Variants in PLXNC1 observed in about 807,000 individuals in gnomAD.
The protein encoded by PLXNC1 is plexin-C1.
PLXNC1 carries 75 observed loss-of-function variants against 178.2 expected under a neutral mutation model. The observed-to-expected ratio is 0.42, with a 90% CI of 0.35 to 0.51. The LOEUF (loss-of-function observed/expected upper bound fraction) is 0.51. Ranked by LOEUF, PLXNC1 falls within the 20% of genes least tolerant of loss-of-function variation. PLXNC1 has a pLI of 0.02. For synonymous variants in PLXNC1, 790 were observed against 779.9 expected, an observed-to-expected ratio of 1.01 and a Z score of -0.22; for missense variants, 1,503 against 1,984.4, an observed-to-expected ratio of 0.76 and a Z score of 4.61.
At chr12:94,287,208 G>C (rs1966855034) in intron 23 of PLXNC1, among the ~76,000 whole-genome samples, 1 of 152,228 alleles carries the variant, frequency 6.6e-6, no homozygotes, top group South Asian at 2.1e-4. Context: ...AAAGGGTTAA[G>C]CGTGTCTTTA....
intron 9 of PLXNC1, chr12:94,227,492 G>T (rs1330998292): frequency 1.3e-5 from 4 of 319,712 alleles, no homozygotes; most frequent in Non-Finnish European, 2.4e-5. Flanking sequence ...AATTGTAAAG[G>T]TGACTTTGCG....
At chr12:94,153,599 C>T (rs1961041726) in intron 1 of PLXNC1, among the ~76,000 whole-genome samples, 1 of 152,142 alleles carries the variant, frequency 6.6e-6, no homozygotes, top group South Asian at 2.1e-4. Flanking sequence ...CTTGTTTGGC[C>T]ACCATTGTTG....
chr12:94,164,808 A>G (rs1961543643), intron 1 of PLXNC1, among the ~76,000 whole-genome samples: 1 of 152,104 alleles, frequency 6.6e-6, no homozygotes, highest in Non-Finnish European at 1.5e-5. Context: ...CGCTTGAGCC[A>G]AGGTAGCTTT....
chr12:94,214,323 G>C (rs1963582227), intron 5 of PLXNC1, among the ~76,000 whole-genome samples: 1 of 151,624 alleles, frequency 6.6e-6, no homozygotes, highest in Non-Finnish European at 1.5e-5. Flanking sequence ...CTGGGCTCAA[G>C]TGATCCTCCC....
In PLXNC1 at chr12:94,181,546, A is replaced by G. The variant is rs1962306862; in HGVS notation, c.1304A>G (p.Lys435Arg). 1 of 1,609,048 alleles carries G rather than the reference A, an allele frequency of 6.2e-7. No individual in the cohort carries two copies. Among genetic ancestry groups the G allele is most frequent in the African/African-American group, 1.3e-5 (1 of 74,880 alleles). Reference sequence around the variant, plus strand: ...TACAAACTCGTTCCTGATCCTGTGAAGAATATCTACATTTATCTAACAGCT... The same window carrying G: ...TACAAACTCGTTCCTGATCCTGTGAGGAATATCTACATTTATCTAACAGCT... Reference protein sequence around the residue: ...VFYKLVPDPVKNIYIYLTAGK... With the variant: ...VFYKLVPDPVRNIYIYLTAGK... The change falls in exon 3 of 31, where the codon AAG (lysine) becomes AGG (arginine). Residue 435 changes from lysine to arginine, a missense_variant. By Grantham distance (26) the Lys-to-Arg change is conservative. Around this residue, in one of 4 missense-constraint regions of PLXNC1, gnomAD observed 615 missense variants for 698.6 expected, o/e 0.88. Transcript: ENST00000258526.
chr12:94,237,892 A>C, intron 10 of PLXNC1, 89 bp downstream of exon 10: 1 of 1,347,182 alleles, frequency 7.4e-7, no homozygotes, highest in Non-Finnish European at 1.0e-6. Flanking sequence ...ACCTTAATAT[A>C]GTCAAATTAT....
At chr12:94,177,107 GTGTGTATATA>G (rs1962085211) in intron 2 of PLXNC1, among the ~76,000 whole-genome samples, 1 of 129,614 alleles carries the variant, frequency 7.7e-6, no homozygotes, top group Non-Finnish European at 1.6e-5. Flanking sequence ...ATATATGTGT[GTGTGTATATA>G]TGTGTGTGTG....
At chr12:94,179,332 T>A (rs995348496) in intron 2 of PLXNC1, among the ~76,000 whole-genome samples, 1 of 152,182 alleles carries the variant, frequency 6.6e-6, no homozygotes, top group Non-Finnish European at 1.5e-5. Flanking sequence ...ATACAGATAA[T>A]CTATCTGGAT....
chr12:94,149,856 C>G lies in PLXNC1; in HGVS notation c.885C>G (p.Leu295=). The G allele has an allele frequency of 6.3e-7, 1 of 1,587,118 alleles. No individual in the cohort carries two copies. The highest frequency in any genetic ancestry group is 1.1e-5 in the South Asian group (1 of 87,916). Residue 295 remains leucine, a synonymous_variant, in exon 1 of 31, where the codon CTC becomes CTG. Transcript: ENST00000258526. ...ACCCCGACGGCCGCCGCCTGCTCCT[C>G]TCCTCCAGCCTAGTGGAGGCCCTGG... The part of the protein sequence containing the change: ...HGHPDGRRLL[L]SSSLVEALDV...
chr12:94,172,900 C>A (rs1961898623), intron 2 of PLXNC1, among the ~76,000 whole-genome samples: 1 of 152,142 alleles, frequency 6.6e-6, no homozygotes, highest in African/African-American at 2.4e-5. Context: ...TACTGTCCTC[C>A]TTCTCTTGCC....
intron 5 of PLXNC1, among the ~76,000 whole-genome samples, chr12:94,217,609 C>A (rs567619481): frequency 1.3e-5 from 2 of 152,280 alleles, no homozygotes; most frequent in East Asian, 3.9e-4. Context: ...ATGTATGGTA[C>A]CTCCATCCAT....
At chr12:94,150,079 AGCCGCC>A (rs759727338) in intron 1 of PLXNC1, 46 bp downstream of exon 1, 5 of 1,438,860 alleles carry the variant, frequency 3.5e-6, no homozygotes, top group African/African-American at 3.0e-5. Flanking sequence ...GCTGCCGGGG[AGCCGCC>A]GCCGCCGCCG....
At chr12:94,303,646 T>G in intron 28 of PLXNC1, 110 bp from the exon 29 acceptor site, 1 of 914,094 alleles carries the variant, frequency 1.1e-6, no homozygotes, top group Non-Finnish European at 1.6e-6. Flanking sequence ...GTAAAACTGG[T>G]TGGTGGTGGG....
At chr12:94,150,437 C>G (rs1960915691) in intron 1 of PLXNC1, among the ~76,000 whole-genome samples, 2 of 152,234 alleles carry the variant, frequency 1.3e-5, no homozygotes, top group Non-Finnish European at 2.9e-5. Flanking sequence ...GCGTGTGGGT[C>G]TGACCCTCTT....
intron 2 of PLXNC1, among the ~76,000 whole-genome samples, chr12:94,174,477 G>A (rs900265310): frequency 3.3e-5 from 5 of 152,088 alleles, no homozygotes; most frequent in African/African-American, 7.2e-5. Flanking sequence ...TGCACACGGC[G>A]CCACTCAGGG....
intron 4 of PLXNC1, among the ~76,000 whole-genome samples, chr12:94,192,576 G>T (rs1057505233): frequency 3.9e-5 from 6 of 151,940 alleles, no homozygotes; most frequent in African/African-American, 1.5e-4. Context: ...GAAGGGTGGG[G>T]TCAATGTCAA....
intron 4 of PLXNC1, among the ~76,000 whole-genome samples, chr12:94,197,744 A>G (rs1421794127): frequency 6.6e-6 from 1 of 152,078 alleles, no homozygotes; most frequent in African/African-American, 2.4e-5. Flanking sequence ...CAAGTAATGG[A>G]TTCAACTCTG....
intron 4 of PLXNC1, among the ~76,000 whole-genome samples, chr12:94,196,689 C>A (rs934095088): frequency 2.6e-5 from 4 of 152,190 alleles, no homozygotes; most frequent in African/African-American, 9.7e-5. Context: ...AGTGCCCCTT[C>A]CACAGGGAGC....
intron 30 of PLXNC1, chr12:94,304,374 T>G (rs1461448390): frequency 4.7e-6 from 1 of 212,418 alleles, no homozygotes; most frequent in East Asian, 1.0e-4. Context: ...TTGATTGTAA[T>G]TTGCTAAAAA....
Sources: gnomAD v4.1 joint callset for allele counts (sites outside exome capture counted in the v4.1 genomes callset) on GRCh38, gnomAD v4.1.1 for gene constraint, gnomAD v4.1.1 regional missense constraint, MANE v1.5 for transcripts, NCBI Gene and HGNC (gene_info 2026-07-23, HGNC 2026-07-21) for gene names.